The following TMC1 variants were observed in gnomAD, a reference collection of about 807,000 sequenced individuals.
TMC1 encodes transmembrane channel like 1, also known as transmembrane channel-like protein 1.
A neutral mutation model predicts 105.8 loss-of-function variants in TMC1; 84 were observed. The observed-to-expected ratio is 0.79, with a 90% CI of 0.67 to 0.95. The LOEUF (loss-of-function observed/expected upper bound fraction) is 0.95. Ranked by LOEUF, TMC1 falls within the 40% of genes least tolerant of loss-of-function variation. The pLI is 0.00. For synonymous variants in TMC1, 315 were observed against 311.5 expected (o/e 1.01, Z -0.12); for missense variants, 817 against 914.1 (o/e 0.89, Z 1.37).
At chr9:72,754,933 A>C in intron 12 of TMC1, 49 bp downstream of exon 12, 1 of 1,474,378 alleles carries the variant, frequency 6.8e-7, no homozygotes, top group Non-Finnish European at 9.5e-7. Flanking sequence ...ATTTTTATTT[A>C]GTTTATTTTA....
intron 1 of TMC1, among the ~76,000 whole-genome samples, chr9:72,546,365 G>GA (rs769668653): frequency 2.0e-5 from 3 of 152,218 alleles, no homozygotes; most frequent in Admixed American, 6.5e-5. Flanking sequence ...CAAAAAGTTA[G>GA]AAAAAACCAC....
At chr9:72,653,821 A>G (rs914589997) in intron 5 of TMC1, among the ~76,000 whole-genome samples, 1 of 152,150 alleles carries the variant, frequency 6.6e-6, no homozygotes, top group Non-Finnish European at 1.5e-5. Flanking sequence ...AGCAATTGCT[A>G]GTCTGCTTTT....
chr9:72,780,795 A>G (rs1043973611), intron 13 of TMC1, among the ~76,000 whole-genome samples: 1 of 152,230 alleles, frequency 6.6e-6, no homozygotes. Flanking sequence ...TATGTACCCA[A>G]CACTGGAACA....
intron 13 of TMC1, among the ~76,000 whole-genome samples, chr9:72,776,499 A>G (rs1828007195): frequency 6.6e-6 from 1 of 152,312 alleles, no homozygotes; most frequent in African/African-American, 2.4e-5. Flanking sequence ...TTTACAGATA[A>G]TGAAATAAAA....
intron 13 of TMC1, among the ~76,000 whole-genome samples, chr9:72,773,311 GAC>G (rs1443967688): frequency 2.0e-5 from 3 of 152,182 alleles, no homozygotes; most frequent in Admixed American, 6.5e-5. Flanking sequence ...TCTTTTATTT[GAC>G]TATGTGCAAG....
chr9:72,658,522 A>G (rs1219796960), intron 5 of TMC1, among the ~76,000 whole-genome samples: 2 of 152,086 alleles, frequency 1.3e-5, no homozygotes, highest in Admixed American at 1.3e-4. Context: ...CCTTCTTTCT[A>G]GCTAATTTTT....
At chr9:72,685,553 G>A (rs1265494968) in intron 5 of TMC1, among the ~76,000 whole-genome samples, 3 of 151,780 alleles carry the variant, frequency 2.0e-5, no homozygotes, top group Admixed American at 6.6e-5. Flanking sequence ...TAGTAGAGGC[G>A]GGGTTTCACC....
At chr9:72,817,297 A>G (rs1301399878) in intron 19 of TMC1, 1 of 151,580 alleles carries the variant, frequency 6.6e-6, no homozygotes, top group Non-Finnish European at 1.5e-5. Context: ...AGGTAGGTTT[A>G]AAAATCTAAT....
intron 8 of TMC1, among the ~76,000 whole-genome samples, chr9:72,722,195 G>A (rs1310770347): frequency 1.3e-5 from 2 of 152,172 alleles, no homozygotes; most frequent in Non-Finnish European, 2.9e-5. Flanking sequence ...GAGATTGATA[G>A]AGGTAAGGTC....
chr9:72,685,417 G>A lies in TMC1; in HGVS notation c.17-3292G>A, dbSNP rs554786894. Among the ~76,000 whole-genome samples the A allele has an allele frequency of 7.4e-5, 11 of 148,832 alleles. No homozygotes were observed. In the South Asian group the frequency reaches 1.9e-3, roughly 26 times the overall value. ...CTTATTCTGTGGCCCAGGCTGGAGA[G>A]CAGTGGCACAATCTCGGCTCACTGC... On this transcript the variant is annotated intron_variant, in intron 5 of 23. Coordinates refer to ENST00000297784, the MANE Select transcript of TMC1 (RefSeq NM_138691.3).
intron 4 of TMC1, among the ~76,000 whole-genome samples, chr9:72,639,132 T>A (rs1825583377): frequency 6.6e-6 from 1 of 152,190 alleles, no homozygotes; most frequent in Non-Finnish European, 1.5e-5. Flanking sequence ...AAATGTGTAA[T>A]GAATTTCATT....
At chr9:72,835,912 CTTGT>C in intron 23 of TMC1, 35 bp from the exon 24 acceptor site, 4 of 1,436,372 alleles carry the variant, frequency 2.8e-6, no homozygotes, top group Non-Finnish European at 3.8e-6. Flanking sequence ...TCTCTCTCTC[CTTGT>C]TTTTTTTTTT....
intron 8 of TMC1, among the ~76,000 whole-genome samples, chr9:72,728,399 C>T (rs1452456251): frequency 6.6e-6 from 1 of 152,086 alleles, no homozygotes; most frequent in Non-Finnish European, 1.5e-5. Flanking sequence ...TCTGTCCTTC[C>T]AGGTAAGAGG....
At chr9:72,736,297 G>A (rs1827296357) in intron 8 of TMC1, among the ~76,000 whole-genome samples, 2 of 152,140 alleles carry the variant, frequency 1.3e-5, no homozygotes, top group Admixed American at 1.3e-4. Flanking sequence ...ATGCCATGTA[G>A]ACAGGGTTTT....
At chr9:72,580,729 GCAAA>G (rs1405794545) in intron 2 of TMC1, among the ~76,000 whole-genome samples, 1 of 152,070 alleles carries the variant, frequency 6.6e-6, no homozygotes, top group African/African-American at 2.4e-5. Context: ...AAACAAACAA[GCAAA>G]CAAACAACTC....
intron 2 of TMC1, among the ~76,000 whole-genome samples, chr9:72,599,568 C>G (rs1824772975): frequency 6.6e-6 from 1 of 152,144 alleles, no homozygotes; most frequent in Non-Finnish European, 1.5e-5. Flanking sequence ...TTTCATATCT[C>G]TCTATCTCCC....
intron 8 of TMC1, among the ~76,000 whole-genome samples, chr9:72,733,961 G>A (rs761062371): frequency 6.6e-6 from 1 of 152,074 alleles, no homozygotes. Context: ...TTATGCTTTG[G>A]GGGCATTATT....
chr9:72,714,868 T>A (rs1826893181), intron 8 of TMC1, among the ~76,000 whole-genome samples: 1 of 152,222 alleles, frequency 6.6e-6, no homozygotes, highest in Non-Finnish European at 1.5e-5. Context: ...GTTGATGGTC[T>A]TTACAATTTA....
At chr9:72,681,005 G>A (rs946854000) in intron 5 of TMC1, among the ~76,000 whole-genome samples, 6 of 152,004 alleles carry the variant, frequency 3.9e-5, no homozygotes, top group South Asian at 2.1e-4. Flanking sequence ...AAAATGCTAC[G>A]GAGGACAGAA....
Sources: allele counts gnomAD v4.1 joint callset (sites outside exome capture counted in the v4.1 genomes callset), GRCh38; gene constraint gnomAD v4.1.1; transcripts MANE v1.5; gene names NCBI Gene and HGNC (gene_info 2026-07-23, HGNC 2026-07-21).